Variants in ARHGAP26 observed in about 807,000 individuals in gnomAD.
ARHGAP26 encodes Rho GTPase activating protein 26.
ARHGAP26 carries 38 observed loss-of-function variants against 104.8 expected under a neutral mutation model. The observed-to-expected ratio is 0.36, with a 90% CI of 0.28 to 0.48. The LOEUF (loss-of-function observed/expected upper bound fraction) is 0.48. ARHGAP26 is among the 20% of genes least tolerant of loss of function. The pLI, the probability that ARHGAP26 is intolerant of heterozygous loss-of-function variation, is 0.99. For missense variants in ARHGAP26, 704 were observed against 947.9 expected (o/e 0.74, Z 3.38); for synonymous variants, 341 against 340.0 (o/e 1.00, Z -0.03).
intron 11 of ARHGAP26, among the ~76,000 whole-genome samples, chr5:143,000,051 A>G (rs1394103022): frequency 6.6e-6 from 1 of 152,222 alleles, no homozygotes; most frequent in Non-Finnish European, 1.5e-5. Context: ...TGAGACTATA[A>G]TAAGATACTG....
At chr5:142,771,672 C>G (rs1755240601) in intron 1 of ARHGAP26, among the ~76,000 whole-genome samples, 1 of 152,212 alleles carries the variant, frequency 6.6e-6, no homozygotes, top group African/African-American at 2.4e-5. Flanking sequence ...CTTTTTACCT[C>G]TTCCGTTATC....
At chr5:142,864,438 G>A (rs904320327) in intron 1 of ARHGAP26, among the ~76,000 whole-genome samples, 6 of 152,166 alleles carry the variant, frequency 3.9e-5, no homozygotes, top group Non-Finnish European at 8.8e-5. Context: ...TGGTCCATCC[G>A]GGTTTTGCCT....
intron 2 of ARHGAP26, among the ~76,000 whole-genome samples, chr5:142,873,738 A>T (rs1346494176): frequency 6.6e-6 from 1 of 151,364 alleles, no homozygotes; most frequent in African/African-American, 2.4e-5. Flanking sequence ...TTGCAGTGGG[A>T]CTCTCCTTTC....
chr5:142,930,730 C>T (rs1167905784), intron 10 of ARHGAP26, among the ~76,000 whole-genome samples: 1 of 152,082 alleles, frequency 6.6e-6, no homozygotes, highest in Non-Finnish European at 1.5e-5. Flanking sequence ...CCCCTTGTAT[C>T]CTCAACCTGT....
intron 20 of ARHGAP26, among the ~76,000 whole-genome samples, chr5:143,179,916 C>T (rs1024467568): frequency 2.6e-5 from 4 of 152,166 alleles, no homozygotes; most frequent in African/African-American, 9.7e-5. Flanking sequence ...CCTCATGACC[C>T]CTTTCACGCC....
At chr5:143,054,639 G>C in intron 15 of ARHGAP26, 113 bp downstream of exon 15, 1 of 705,270 alleles carries the variant, frequency 1.4e-6, no homozygotes, top group Non-Finnish European at 2.4e-6. Flanking sequence ...TTGAGATGTG[G>C]AAACAGCTTC....
rs532735465 is a variant in ARHGAP26 at position 143,002,870 on chromosome 5, A to G, written c.1108-11210A>G. Among the ~76,000 whole-genome samples, 124 of 152,330 alleles carry G rather than the reference A, an allele frequency of 8.1e-4. 1 individual carries two copies. The South Asian group carries it at 0.025, about 30-fold the overall frequency. On this transcript the variant is annotated intron_variant, in intron 11 of 22. Transcript: ENST00000645722. ...CAAGGAAATTGCATAACATTGCAGCATTTCCTCCTCTTGTTGCTTGCTTGT... is the reference window on the plus strand; with the variant it reads ...CAAGGAAATTGCATAACATTGCAGCGTTTCCTCCTCTTGTTGCTTGCTTGT...
At chr5:142,824,404 G>A (rs1303001622) in intron 1 of ARHGAP26, among the ~76,000 whole-genome samples, 1 of 152,152 alleles carries the variant, frequency 6.6e-6, no homozygotes, top group Non-Finnish European at 1.5e-5. Context: ...AGAGCTGGAA[G>A]TGTGTGGTCC....
At chr5:143,132,517 TAAG>T (rs1797468188) in intron 18 of ARHGAP26, among the ~76,000 whole-genome samples, 1 of 152,024 alleles carries the variant, frequency 6.6e-6, no homozygotes, top group Non-Finnish European at 1.5e-5. Context: ...ATGCAGCCAT[TAAG>T]AATCATGTCT....
intron 11 of ARHGAP26, among the ~76,000 whole-genome samples, chr5:142,987,732 T>C (rs932502502): frequency 2.0e-5 from 3 of 152,244 alleles, no homozygotes; most frequent in African/African-American, 7.2e-5. Context: ...TCAAAGGCCT[T>C]TTCTGTATCT....
chr5:143,036,513 T>C (rs1387141634), intron 12 of ARHGAP26, among the ~76,000 whole-genome samples: 1 of 152,234 alleles, frequency 6.6e-6, no homozygotes, highest in African/African-American at 2.4e-5. Flanking sequence ...TTGGCTCTTT[T>C]AATTTTCCTC....
chr5:143,070,431 G>A (rs548843039), intron 17 of ARHGAP26, among the ~76,000 whole-genome samples: 5 of 152,188 alleles, frequency 3.3e-5, no homozygotes, highest in Admixed American at 2.0e-4. Flanking sequence ...ACATACCTAC[G>A]CATAAATTTA....
chr5:142,881,492 T>G (rs1756996665), intron 4 of ARHGAP26, among the ~76,000 whole-genome samples: 1 of 152,164 alleles, frequency 6.6e-6, no homozygotes, highest in South Asian at 2.1e-4. Context: ...CACCAAAGCA[T>G]GTTTCCCCTC....
At chr5:142,811,742 C>G (rs151107337) in intron 1 of ARHGAP26, among the ~76,000 whole-genome samples, 1 of 152,190 alleles carries the variant, frequency 6.6e-6, no homozygotes, top group Non-Finnish European at 1.5e-5. Context: ...CAATGCCTGG[C>G]GTGCAGCTAT....
rs917549393 is a variant in ARHGAP26, at chr5:142,907,804, G to A, written c.933G>A (p.Gly311=). ...TTGACCAAAAGTCAGGAGGAAAAGGGGTGAGTTCATTTTTAAAATTTGATG... is the reference window on the plus strand; with the variant it reads ...TTGACCAAAAGTCAGGAGGAAAAGGAGTGAGTTCATTTTTAAAATTTGATG... The part of the protein sequence containing the change: ...VPFDQKSGGK[G]GEDESVILKS... The change falls in exon 9 of 23, where the codon GGG becomes GGA. Residue 311 remains glycine (G), a splice_region_variant and synonymous_variant. Transcript: ENST00000645722. 2 of 1,602,052 alleles carry A rather than the reference G, an allele frequency of 1.2e-6. No individual in the cohort carries two copies. Among genetic ancestry groups the A allele is most frequent in the Non-Finnish European group, 1.7e-6 (2 of 1,171,782 alleles).
chr5:142,896,686 T>C (rs1366368597), intron 6 of ARHGAP26, among the ~76,000 whole-genome samples: 1 of 152,026 alleles, frequency 6.6e-6, no homozygotes, highest in Admixed American at 6.5e-5. Flanking sequence ...TCTTAGGGAG[T>C]TTTCACTTTA....
chr5:143,151,245 C>T (rs1799805718), intron 20 of ARHGAP26, among the ~76,000 whole-genome samples: 1 of 152,158 alleles, frequency 6.6e-6, no homozygotes, highest in Non-Finnish European at 1.5e-5. Context: ...CTGAGAATGG[C>T]CAAAATTCCA....
At chr5:142,976,668 A>G (rs926140641) in intron 11 of ARHGAP26, among the ~76,000 whole-genome samples, 2 of 152,216 alleles carry the variant, frequency 1.3e-5, no homozygotes, top group Non-Finnish European at 2.9e-5. Flanking sequence ...TTACATGCCA[A>G]AAATACAAAT....
chr5:142,904,523 A>AATT (rs1760826734), intron 8 of ARHGAP26, among the ~76,000 whole-genome samples: 1 of 118,156 alleles, frequency 8.5e-6, no homozygotes, highest in Admixed American at 8.0e-5. Flanking sequence ...TGTCTCTTAA[A>AATT]AGAAAAAAAA....
Sources: allele counts gnomAD v4.1 joint callset (sites outside exome capture counted in the v4.1 genomes callset), GRCh38; gene constraint gnomAD v4.1.1; transcripts MANE v1.5; gene names NCBI Gene and HGNC (gene_info 2026-07-23, HGNC 2026-07-21).